SMARCA2: variants seen among roughly 807,000 people sequenced by gnomAD.
SMARCA2 encodes the protein SWI/SNF-related matrix-associated actin-dependent regulator of chromatin subfamily A member 2.
A neutral mutation model predicts 199.8 loss-of-function variants in SMARCA2; 61 were observed. The ratio of observed to expected loss-of-function variants is 0.31; its 90% confidence interval spans 0.25 to 0.38. The LOEUF (loss-of-function observed/expected upper bound fraction) is 0.38, where lower values mean the gene tolerates loss of function less well. SMARCA2 is among the 10% of genes least tolerant of loss of function. SMARCA2 has a pLI of 1.00. For synonymous variants in SMARCA2, 935 were observed against 732.0 expected (o/e 1.28, Z -4.48); for missense variants, 1,344 against 2,012.2 (o/e 0.67, Z 6.35).
chr9:2,109,071 G>T (rs186307738), intron 23 of SMARCA2, among the ~76,000 whole-genome samples: 1 of 152,268 alleles, frequency 6.6e-6, no homozygotes, highest in East Asian at 1.9e-4. Flanking sequence ...AAAACAGATC[G>T]TCCCCATGTT....
intron 2 of SMARCA2, among the ~76,000 whole-genome samples, chr9:2,029,588 C>G (rs1326880543): frequency 6.6e-6 from 1 of 152,108 alleles, no homozygotes. Context: ...TGTTAAGTAA[C>G]TTATCCACTA....
At chr9:2,155,390 C>G (rs925375645) in intron 27 of SMARCA2, among the ~76,000 whole-genome samples, 1 of 152,096 alleles carries the variant, frequency 6.6e-6, no homozygotes, top group Non-Finnish European at 1.5e-5. Context: ...TCAAGCGATT[C>G]TCCTGCCTCA....
intron 28 of SMARCA2, among the ~76,000 whole-genome samples, chr9:2,163,262 G>C (rs138885847): frequency 7.9e-5 from 12 of 152,270 alleles, no homozygotes; most frequent in Non-Finnish European, 1.5e-4. Flanking sequence ...CTCAGATTTT[G>C]TGCTGTTTTC....
chr9:2,179,321 C>T (rs551580596), intron 29 of SMARCA2, among the ~76,000 whole-genome samples: 16 of 152,222 alleles, frequency 1.1e-4, no homozygotes, highest in African/African-American at 3.9e-4. Context: ...CAACATATCC[C>T]AAGAAGTCTT....
intron 23 of SMARCA2, among the ~76,000 whole-genome samples, chr9:2,107,298 C>A (rs1034598818): frequency 6.6e-6 from 1 of 151,912 alleles, no homozygotes; most frequent in African/African-American, 2.4e-5. Context: ...TGTCAAGTTC[C>A]CAGCTATTTA....
chr9:2,163,511 A>G (rs1429621410), intron 28 of SMARCA2, among the ~76,000 whole-genome samples: 1 of 152,186 alleles, frequency 6.6e-6, no homozygotes, highest in Non-Finnish European at 1.5e-5. Context: ...CCCCTTGTAT[A>G]TTTGCCACAG....
intron 27 of SMARCA2, among the ~76,000 whole-genome samples, chr9:2,146,434 C>A (rs1167788581): frequency 6.6e-6 from 1 of 152,080 alleles, no homozygotes; most frequent in African/African-American, 2.4e-5. Flanking sequence ...GTTACCGGAT[C>A]CCACCACTTA....
chr9:2,184,845 C>A (rs770982129), intron 31 of SMARCA2, among the ~76,000 whole-genome samples: 14 of 147,540 alleles, frequency 9.5e-5, no homozygotes, highest in Non-Finnish European at 2.1e-4. Flanking sequence ...CCTGATGGTC[C>A]CATCCTCTCT....
intron 3 of SMARCA2, among the ~76,000 whole-genome samples, chr9:2,037,180 C>T (rs1563722428): frequency 6.6e-6 from 1 of 152,100 alleles, no homozygotes; most frequent in Non-Finnish European, 1.5e-5. Context: ...TTAATGTAAG[C>T]CTTCTTAAAG....
intron 1 of SMARCA2, among the ~76,000 whole-genome samples, chr9:2,022,461 A>G (rs1818647234): frequency 6.6e-6 from 1 of 152,172 alleles, no homozygotes; most frequent in East Asian, 1.9e-4. Context: ...ATTAATGGCT[A>G]TTATCCATTT....
chr9:2,142,697 A>C (rs1246791821), intron 27 of SMARCA2, among the ~76,000 whole-genome samples: 2 of 152,186 alleles, frequency 1.3e-5, no homozygotes, highest in Non-Finnish European at 2.9e-5. Context: ...CAGTTTAAAG[A>C]GGTGAGGCTG....
intron 5 of SMARCA2, among the ~76,000 whole-genome samples, chr9:2,052,900 G>C (rs991647896): frequency 2.6e-5 from 4 of 152,264 alleles, no homozygotes; most frequent in African/African-American, 9.6e-5. Context: ...AAAGAAAAAA[G>C]TCTGTCCTCC....
rs778552092 is a variant in SMARCA2 at position 2,076,261 on chromosome 9, C to T, written c.1968C>T (p.Thr656=). 3.0e-5 allele frequency: 48 copies of T among 1,611,612 alleles called. No individual in the cohort carries two copies. The highest frequency in any genetic ancestry group is 2.9e-4 in the East Asian group (13 of 44,856). The change falls in exon 13 of 34, where the codon ACC becomes ACT. Residue 656 remains threonine, a synonymous_variant. Coordinates refer to ENST00000349721, the MANE Select transcript of SMARCA2 (RefSeq NM_003070.5). Reference sequence around the variant, plus strand: ...AAGAAGAGTCCAGTAGGCAGGAAACCGAAGAGAAAATACTCCTGGATCCAA... The same window carrying T: ...AAGAAGAGTCCAGTAGGCAGGAAACTGAAGAGAAAATACTCCTGGATCCAA... ...DEEEESSRQE[T]EEKILLDPNS...
chr9:2,104,016 C>T lies in SMARCA2; in HGVS notation c.3139C>T (p.Arg1047Trp). ...TTTTGGGTTCAGGGCTGAACTGTATCGGGCCTCAGGGAAGTTTGAGCTGCT... is the reference window on the plus strand; with the variant it reads ...TTTTGGGTTCAGGGCTGAACTGTATTGGGCCTCAGGGAAGTTTGAGCTGCT... ...NGVINGAELY[R>W]ASGKFELLDR... The change falls in exon 23 of 34, where the codon CGG (arginine) becomes TGG (tryptophan). Residue 1047 changes from arginine to tryptophan, a missense_variant. Around this residue, in one of 18 missense-constraint regions of SMARCA2, gnomAD observed 98 missense variants for 245.6 expected, o/e 0.40. Transcript: ENST00000349721. The surrounding 1 kb of genome is among the most constrained non-coding windows in gnomAD (Gnocchi z 4.0). The T allele has an allele frequency of 6.2e-7, 1 of 1,613,866 alleles. No individual in the cohort carries two copies. Among genetic ancestry groups the T allele is most frequent in the South Asian group, 1.1e-5 (1 of 91,064 alleles).
chr9:2,100,826 T>TA (rs1822477399), intron 21 of SMARCA2, among the ~76,000 whole-genome samples: 2 of 152,294 alleles, frequency 1.3e-5, no homozygotes, highest in East Asian at 3.9e-4. Context: ...ATGCTGCTGA[T>TA]AAAGACATAC....
intron 27 of SMARCA2, chr9:2,159,726 T>C (rs1335496824): frequency 6.6e-7 from 1 of 1,506,942 alleles, no homozygotes; most frequent in African/African-American, 1.4e-5. Context: ...GTATCCACAA[T>C]CCTTTCAGTA....
rs537281196 is a variant in SMARCA2, at chr9:2,106,139, A to T, written c.3292+1970A>T. 1.8e-4 allele frequency among the ~76,000 whole-genome samples: 27 copies of T among 152,328 alleles called. No homozygotes were observed. In the South Asian group the frequency reaches 5.4e-3, roughly 30 times the overall value. The stretch of plus-strand genomic sequence containing the variant: ...TAAATAAGCTACTGTTATCCCTGTC[A>T]ACCAGTGTGCCATTATGATGCCCAT... On this transcript the variant is annotated intron_variant, in intron 23 of 33. Coordinates refer to ENST00000349721, the MANE Select transcript of SMARCA2 (RefSeq NM_003070.5).
chr9:2,185,063 A>G (rs994787205), intron 31 of SMARCA2, among the ~76,000 whole-genome samples: 3 of 152,228 alleles, frequency 2.0e-5, no homozygotes, highest in Admixed American at 6.5e-5. Flanking sequence ...AAAATTTATC[A>G]TAATTTTTCA....
intron 27 of SMARCA2, among the ~76,000 whole-genome samples, chr9:2,131,496 G>C (rs745814495): frequency 1.2e-4 from 18 of 152,276 alleles, no homozygotes; most frequent in Non-Finnish European, 1.5e-4. Flanking sequence ...GCAAGTTTTA[G>C]AAGCCATAGA....
Sources: gnomAD v4.1 joint callset for allele counts (sites outside exome capture counted in the v4.1 genomes callset) on GRCh38, gnomAD v4.1.1 for gene constraint, gnomAD v4.1.1 regional missense constraint, Gnocchi (gnomAD v3.1) non-coding constraint, MANE v1.5 for transcripts, NCBI Gene and HGNC (gene_info 2026-07-23, HGNC 2026-07-21) for gene names.